NAV2: variants seen among roughly 807,000 people sequenced by gnomAD.
NAV2 encodes neuron navigator 2, also known as helicase, APC down-regulated 1.
NAV2 carries 54 observed loss-of-function variants against 223.2 expected under a neutral mutation model. That is an observed-to-expected ratio of 0.24 (90% confidence interval 0.19 to 0.30). The LOEUF is 0.30. NAV2 is among the 10% of genes least tolerant of loss of function. The probability of loss-of-function intolerance (pLI) is 1.00; values close to 1 mark genes in which losing one functional copy is unlikely to be tolerated. For synonymous variants in NAV2, 1,279 were observed against 1,239.3 expected (o/e 1.03, Z -0.67); for missense variants, 2,806 against 3,147.5 (o/e 0.89, Z 2.60).
In NAV2 at chr11:19,934,116, A is replaced by G; in HGVS notation, c.1872A>G (p.Pro624=). 6.2e-7 allele frequency: 1 copy of G among 1,614,102 alleles called. No individual in the cohort carries two copies. The highest frequency in any genetic ancestry group is 8.5e-7 in the Non-Finnish European group (1 of 1,179,994). Residue 624 remains proline, a synonymous_variant, in exon 7 of 38, where the codon CCA becomes CCG. Coordinates refer to ENST00000349880, the MANE Select transcript of NAV2 (RefSeq NM_145117.5). The part of the protein sequence containing the change: ...SSLASSEGKG[P]GGTTLNHSIS... ...TGGCGTCCTCAGAAGGAAAAGGCCC[A>G]GGAGGGACCACCCTGAACCACAGCA... is the stretch of plus-strand genomic sequence containing the variant.
intron 1 of NAV2, among the ~76,000 whole-genome samples, chr11:19,488,071 G>A (rs2042504995): frequency 2.0e-5 from 3 of 152,114 alleles, no homozygotes; most frequent in African/African-American, 7.2e-5. Context: ...CCAGCTTCAG[G>A]AAAGCAAGAT....
chr11:19,633,704 C>T (rs1020250748), intron 1 of NAV2, among the ~76,000 whole-genome samples: 13 of 152,198 alleles, frequency 8.5e-5, no homozygotes, highest in African/African-American at 2.7e-4. Context: ...GGGACTGATG[C>T]GCAGGCCTCC....
chr11:19,550,298 G>GCTCC (rs2044648171), intron 1 of NAV2, among the ~76,000 whole-genome samples: 1 of 152,178 alleles, frequency 6.6e-6, no homozygotes, highest in Non-Finnish European at 1.5e-5. Context: ...TCCTTCCAGA[G>GCTCC]CTCCCCAATG....
intron 1 of NAV2, among the ~76,000 whole-genome samples, chr11:19,553,097 T>G (rs529501682): frequency 1.3e-3 from 197 of 152,330 alleles, no homozygotes; most frequent in African/African-American, 4.6e-3. Flanking sequence ...AAAATGTCCC[T>G]TGGTGAGGAG....
At chr11:19,487,752 A>G (rs1272695624) in intron 1 of NAV2, among the ~76,000 whole-genome samples, 1 of 152,158 alleles carries the variant, frequency 6.6e-6, no homozygotes, top group Non-Finnish European at 1.5e-5. Flanking sequence ...TTAAACTTTG[A>G]CAGGGTTTAG....
intron 11 of NAV2, among the ~76,000 whole-genome samples, chr11:20,018,028 G>A (rs2054157962): frequency 6.6e-6 from 1 of 152,012 alleles, no homozygotes. Context: ...GTATAATACT[G>A]ATTCCCAAAT....
intron 1 of NAV2, among the ~76,000 whole-genome samples, chr11:19,550,384 G>A (rs1303999832): frequency 6.6e-6 from 1 of 152,206 alleles, no homozygotes; most frequent in Non-Finnish European, 1.5e-5. Flanking sequence ...GACTCTGTTA[G>A]AACCCGAATA....
At chr11:19,924,446 G>A (rs1461913189) in intron 6 of NAV2, among the ~76,000 whole-genome samples, 1 of 152,158 alleles carries the variant, frequency 6.6e-6, no homozygotes, top group East Asian at 1.9e-4. Context: ...AAACACAACT[G>A]TAATTGCTCC....
intron 10 of NAV2, among the ~76,000 whole-genome samples, chr11:19,971,544 C>T (rs902308980): frequency 6.6e-6 from 1 of 152,126 alleles, no homozygotes; most frequent in African/African-American, 2.4e-5. Context: ...CCTTGTTTCC[C>T]CCCATGTGAA....
At chr11:19,830,885 C>T (rs910471700) in intron 1 of NAV2, among the ~76,000 whole-genome samples, 21 of 152,124 alleles carry the variant, frequency 1.4e-4, no homozygotes, top group African/African-American at 4.6e-4. Context: ...ATTGAAAATA[C>T]TCTTGCTTTA....
At chr11:19,505,892 G>C (rs747971118) in intron 1 of NAV2, 8 of 152,224 alleles carry the variant, frequency 5.3e-5, no homozygotes, top group Non-Finnish European at 1.2e-4. Flanking sequence ...AAGGAAGCGA[G>C]GCAAAGAAGG....
chr11:19,483,824 G>C (rs761633276), intron 1 of NAV2, among the ~76,000 whole-genome samples: 12 of 152,010 alleles, frequency 7.9e-5, no homozygotes, highest in Non-Finnish European at 1.8e-4. Flanking sequence ...CAAGGTTAAG[G>C]GGGGACCACT....
chr11:19,980,921 G>C (rs1051628205), intron 10 of NAV2, among the ~76,000 whole-genome samples: 7 of 152,138 alleles, frequency 4.6e-5, no homozygotes, highest in African/African-American at 1.7e-4. Flanking sequence ...CTCCCAAGGA[G>C]AGACATACAA....
chr11:20,013,864 C>T (rs2053782265), intron 11 of NAV2, among the ~76,000 whole-genome samples: 1 of 152,206 alleles, frequency 6.6e-6, no homozygotes, highest in Non-Finnish European at 1.5e-5. Flanking sequence ...TAGTGGACCT[C>T]TGGGGTGGCA....
At chr11:19,549,473 C>T (rs918360759) in intron 1 of NAV2, among the ~76,000 whole-genome samples, 2 of 152,122 alleles carry the variant, frequency 1.3e-5, no homozygotes, top group Admixed American at 6.5e-5. Context: ...AGGGTTCACC[C>T]GATGCAGAGA....
chr11:19,399,267 A>G (rs945948343), intron 1 of NAV2, among the ~76,000 whole-genome samples: 4 of 152,034 alleles, frequency 2.6e-5, no homozygotes, highest in African/African-American at 9.7e-5. Context: ...CCCACGCTGC[A>G]CTCCCTGCCA....
intron 1 of NAV2, among the ~76,000 whole-genome samples, chr11:19,486,938 T>C (rs1282198512): frequency 6.6e-6 from 1 of 152,288 alleles, no homozygotes; most frequent in Non-Finnish European, 1.5e-5. Context: ...CCCCACAGGA[T>C]GCCTAGGGAA....
At chr11:19,466,597 A>G (rs1401074473) in intron 1 of NAV2, among the ~76,000 whole-genome samples, 1 of 152,216 alleles carries the variant, frequency 6.6e-6, no homozygotes, top group Admixed American at 6.5e-5. Flanking sequence ...CGACTCTTGA[A>G]TGCACTGACA....
At chr11:19,682,244 A>T (rs1360630770) in intron 1 of NAV2, among the ~76,000 whole-genome samples, 3 of 152,234 alleles carry the variant, frequency 2.0e-5, no homozygotes, top group African/African-American at 7.2e-5. Flanking sequence ...TGATAATACC[A>T]TGCTAATAAT....
Sources: allele counts gnomAD v4.1 joint callset (sites outside exome capture counted in the v4.1 genomes callset), GRCh38; gene constraint gnomAD v4.1.1; transcripts MANE v1.5; gene names NCBI Gene and HGNC (gene_info 2026-07-23, HGNC 2026-07-21).